WWOX: variants seen among roughly 807,000 people sequenced by gnomAD.
WWOX encodes WW domain-containing oxidoreductase.
In WWOX, 69 loss-of-function variants were observed where a neutral mutation model predicts 46.2. That is an observed-to-expected ratio of 1.49 (90% CI 1.23 to 1.82). WWOX has a LOEUF of 1.82. Ranked by LOEUF, WWOX falls within the 40% of genes most tolerant of loss-of-function variation. The pLI is 0.00. For missense variants in WWOX, 919 were observed against 542.6 expected (o/e 1.69, Z -6.89); for synonymous variants, 359 against 202.6 (o/e 1.77, Z -6.56).
At chr16:78,378,901 T>A (rs1286565163) in intron 5 of WWOX, among the ~76,000 whole-genome samples, 1 of 152,188 alleles carries the variant, frequency 6.6e-6, no homozygotes, top group Admixed American at 6.5e-5. Flanking sequence ...ATAGATGATG[T>A]TAATTTCTTC....
At chr16:78,972,575 G>T (rs1306548106) in intron 8 of WWOX, among the ~76,000 whole-genome samples, 2 of 151,988 alleles carry the variant, frequency 1.3e-5, no homozygotes, top group Non-Finnish European at 2.9e-5. Flanking sequence ...ATCAGCAGGT[G>T]TGTAAATGTT....
chr16:78,833,421 ATCT>A (rs2051886810), intron 8 of WWOX, among the ~76,000 whole-genome samples: 1 of 83,120 alleles, frequency 1.2e-5, no homozygotes, highest in African/African-American at 3.9e-5. Context: ...TGGCCCAGCC[ATCT>A]CCTCCTCCTC....
At chr16:78,578,488 A>T (rs903234297) in intron 8 of WWOX, among the ~76,000 whole-genome samples, 1 of 151,022 alleles carries the variant, frequency 6.6e-6, no homozygotes, top group South Asian at 2.1e-4. Context: ...ACAGGGTTTC[A>T]CCATGTTATC....
intron 8 of WWOX, among the ~76,000 whole-genome samples, chr16:78,732,465 A>G (rs2048992014): frequency 6.6e-6 from 1 of 152,164 alleles, no homozygotes; most frequent in African/African-American, 2.4e-5. Flanking sequence ...CCAGTTTCCA[A>G]ACACTGTGAA....
chr16:78,658,646 G>A (rs116122833), intron 8 of WWOX, among the ~76,000 whole-genome samples: 2,279 of 152,112 alleles, frequency 0.015, 60 homozygotes, highest in African/African-American at 0.052. Context: ...CCCAGTCTCC[G>A]CCTCCGCCTT....
intron 8 of WWOX, among the ~76,000 whole-genome samples, chr16:78,543,410 C>T (rs557852179): frequency 8.5e-5 from 13 of 152,214 alleles, no homozygotes; most frequent in East Asian, 5.8e-4. Context: ...TCACATACAG[C>T]GAGAAGGATT....
At chr16:78,560,821 A>G (rs977818665) in intron 8 of WWOX, among the ~76,000 whole-genome samples, 24 of 152,106 alleles carry the variant, frequency 1.6e-4, no homozygotes, top group Non-Finnish European at 3.1e-4. Flanking sequence ...ACAGGAGAAA[A>G]TTTTATTTGA....
chr16:78,597,503 C>T (rs928345621), intron 8 of WWOX, among the ~76,000 whole-genome samples: 1 of 152,194 alleles, frequency 6.6e-6, no homozygotes, highest in Non-Finnish European at 1.5e-5. Context: ...GCCCACCCCA[C>T]AATATGCTTT....
rs74750152 is a variant in WWOX at position 78,178,939 on chromosome 16, G to A, written c.516+14650G>A. 6.9e-4 allele frequency among the ~76,000 whole-genome samples: 105 copies of A among 152,110 alleles called. 1 individual carries two copies. The East Asian group carries it at 7.7e-3, about 11-fold the overall frequency. On this transcript the variant is annotated intron_variant, in intron 5 of 8. Coordinates refer to ENST00000566780, the MANE Select transcript of WWOX (RefSeq NM_016373.4). Reference sequence around the variant, plus strand: ...TTTACCTCGTGTTTAGTCTGTAAACGCGGATAACCGAGAGCTGGTCAAATG... The same window carrying A: ...TTTACCTCGTGTTTAGTCTGTAAACACGGATAACCGAGAGCTGGTCAAATG...
chr16:79,039,158 T>G lies in WWOX; in HGVS notation c.1057-172450T>G, dbSNP rs536515662. On this transcript the variant is annotated intron_variant, in intron 8 of 8. Transcript: ENST00000566780. ...TTTTATTGTAGCTGGGGAATTCTTTTTGCAGGTGATGCTCATGTTACGGTT... is the reference window on the plus strand; with the variant it reads ...TTTTATTGTAGCTGGGGAATTCTTTGTGCAGGTGATGCTCATGTTACGGTT... Among the ~76,000 whole-genome samples the G allele has an allele frequency of 2.8e-4, 43 of 152,320 alleles. 1 individual carries two copies. The highest frequency in any genetic ancestry group is 1.0e-3 in the African/African-American group (42 of 41,576).
chr16:78,817,020 A>T (rs1407746030), intron 8 of WWOX, among the ~76,000 whole-genome samples: 2 of 152,092 alleles, frequency 1.3e-5, no homozygotes. Context: ...GGTTCTGACC[A>T]ACTGTTTTTG....
chr16:78,677,054 T>A (rs2047617411), intron 8 of WWOX, among the ~76,000 whole-genome samples: 1 of 131,692 alleles, frequency 7.6e-6, no homozygotes, highest in Non-Finnish European at 1.8e-5. Context: ...ATACCTAGCG[T>A]ACTTTTTTTT....
In WWOX at chr16:78,103,043, G is replaced by A. The variant is rs1160574439; in HGVS notation, c.107+3158G>A. On this transcript the variant is annotated intron_variant, in intron 1 of 8. Coordinates refer to ENST00000566780, the MANE Select transcript of WWOX (RefSeq NM_016373.4). The stretch of plus-strand genomic sequence containing the variant: ...TCCCTGCAGGCTTGCCCTGGAGCCT[G>A]GCGCTAGGGCCCTGGGGCTCCCTTG... Among the ~76,000 whole-genome samples, 5 of 152,228 alleles carry A rather than the reference G, an allele frequency of 3.3e-5. No homozygotes were observed. In the East Asian group the frequency reaches 9.7e-4, roughly 30 times the overall value.
At chr16:78,669,273 G>C (rs2047405109) in intron 8 of WWOX, among the ~76,000 whole-genome samples, 1 of 152,250 alleles carries the variant, frequency 6.6e-6, no homozygotes, top group African/African-American at 2.4e-5. Context: ...AGTGTCCCAT[G>C]GCAGTGCCTA....
At chr16:79,005,647 GTCTC>G (rs1381151837) in intron 8 of WWOX, among the ~76,000 whole-genome samples, 1 of 152,068 alleles carries the variant, frequency 6.6e-6, no homozygotes, top group Non-Finnish European at 1.5e-5. Flanking sequence ...CCTTGTCCAT[GTCTC>G]TCTATGTCTT....
chr16:78,932,350 C>T (rs1437236140), intron 8 of WWOX, among the ~76,000 whole-genome samples: 2 of 152,184 alleles, frequency 1.3e-5, no homozygotes, highest in Non-Finnish European at 2.9e-5. Flanking sequence ...TTCCAGGTGC[C>T]CCTCAGGCCG....
At position 78,520,809 on chromosome 16, in the gene WWOX, C is replaced by T. The variant is rs114281783; in HGVS notation, c.1056+88057C>T. ...CTGTGATGAGGACTGATTTTCTGTT[C>T]GTGGCCTCTGGAAGTCCAGTTTTTC... On this transcript the variant is annotated intron_variant, in intron 8 of 8. Coordinates refer to ENST00000566780, the MANE Select transcript of WWOX (RefSeq NM_016373.4). Among the ~76,000 whole-genome samples the T allele has an allele frequency of 4.2e-3, 641 of 152,244 alleles. 4 individuals are homozygous for T. Among genetic ancestry groups the T allele is most frequent in the African/African-American group, 0.015 (614 of 41,540 alleles).
At chr16:78,686,632 T>C (rs984935769) in intron 8 of WWOX, among the ~76,000 whole-genome samples, 1 of 152,194 alleles carries the variant, frequency 6.6e-6, no homozygotes, top group African/African-American at 2.4e-5. Flanking sequence ...ACTCCTGTTT[T>C]AATTTGTTTT....
At chr16:78,797,457 A>G (rs760482085) in intron 8 of WWOX, among the ~76,000 whole-genome samples, 9 of 151,820 alleles carry the variant, frequency 5.9e-5, no homozygotes, top group Non-Finnish European at 1.2e-4. Context: ...AAGTAGACCC[A>G]TTCCCATTGC....
Sources: gnomAD v4.1 joint callset for allele counts (sites outside exome capture counted in the v4.1 genomes callset) on GRCh38, gnomAD v4.1.1 for gene constraint, MANE v1.5 for transcripts, NCBI Gene and HGNC (gene_info 2026-07-23, HGNC 2026-07-21) for gene names.